The following BLVRB variants were observed in gnomAD, a reference collection of about 807,000 sequenced individuals.
BLVRB encodes biliverdin reductase B, also known as flavin reductase (NADPH).
Under a neutral mutation model 21.1 loss-of-function variants are expected in BLVRB, and 25 were observed. The ratio of observed to expected loss-of-function variants is 1.19; its 90% confidence interval spans 0.86 to 1.66. The LOEUF (loss-of-function observed/expected upper bound fraction) is 1.66. Among genes scored for constraint, BLVRB ranks in the 40% most tolerant of loss-of-function variants. The pLI, the probability that BLVRB is intolerant of heterozygous loss-of-function variation, is 0.00. For missense variants in BLVRB, 274 were observed against 282.7 expected (o/e 0.97, Z 0.22); for synonymous variants, 128 against 122.2 (o/e 1.05, Z -0.31).
At chr19:40,448,157 T>G (rs1441365820) in intron 4 of BLVRB, 111 bp from the exon 5 acceptor site, 7 of 1,199,198 alleles carry the variant, frequency 5.8e-6, no homozygotes, top group Non-Finnish European at 8.1e-6. Flanking sequence ...CCAGCCTGGG[T>G]GGTGTCACAG....
At chr19:40,462,923 G>T (rs1429768350) in intron 1 of BLVRB, among the ~76,000 whole-genome samples, 1 of 130,128 alleles carries the variant, frequency 7.7e-6, no homozygotes, top group Non-Finnish European at 1.6e-5. Flanking sequence ...AAAAAAATCA[G>T]CCATCAATAC....
At position 40,451,374 on chromosome 19, in the gene BLVRB, C is replaced by T. The variant is rs201630615; in HGVS notation, c.453G>A (p.Pro151=). 218 of 1,603,574 alleles carry T rather than the reference C, an allele frequency of 1.4e-4. No homozygotes were observed. The highest frequency in any genetic ancestry group is 1.7e-4 in the Middle Eastern group (1 of 6,032). ...CCCTGCCCTGCTTACCTATGTGTGG[C>T]GGCATCACAGCCACGTACTTCAGGC... ...ESGLKYVAVM[P]PHIGDQPLTG... Residue 151 remains proline (P), a synonymous_variant, in exon 4 of 5, where the codon CCG becomes CCA. Coordinates refer to ENST00000263368, the MANE Select transcript of BLVRB (RefSeq NM_000713.3).
At chr19:40,463,077 C>A (rs1023962744) in intron 1 of BLVRB, among the ~76,000 whole-genome samples, 1 of 152,020 alleles carries the variant, frequency 6.6e-6, no homozygotes, top group African/African-American at 2.4e-5. Flanking sequence ...CACGTTGTGA[C>A]CATATGTTTC....
intron 1 of BLVRB, among the ~76,000 whole-genome samples, chr19:40,461,462 C>T (rs1486862399): frequency 6.6e-6 from 1 of 151,954 alleles, no homozygotes; most frequent in Non-Finnish European, 1.5e-5. Flanking sequence ...CCTCTCCAGG[C>T]TCTGCTGAAG....
intron 3 of BLVRB, 47 bp from the exon 4 acceptor site, chr19:40,451,539 T>TC: frequency 7.3e-7 from 1 of 1,368,578 alleles, no homozygotes; most frequent in Non-Finnish European, 9.7e-7. Context: ...CTTGTCTTTT[T>TC]TTTTTTTTTT....
chr19:40,454,799 C>T (rs2079755858), intron 3 of BLVRB, among the ~76,000 whole-genome samples: 1 of 152,154 alleles, frequency 6.6e-6, no homozygotes, highest in South Asian at 2.1e-4. Context: ...CCCACCTTGG[C>T]CTCCCAAAGT....
rs144749380 is a variant in BLVRB at position 40,464,960 on chromosome 19, C to A, written c.79+650G>T. Reference sequence around the variant, plus strand: ...TTTTCTGCCCTCTCTCCTGGGGCAACTCCAAATTTTCAGCCCTCATTGACT... The same window carrying A: ...TTTTCTGCCCTCTCTCCTGGGGCAAATCCAAATTTTCAGCCCTCATTGACT... On this transcript the variant is annotated intron_variant, in intron 1 of 4. Transcript: ENST00000263368. Among the ~76,000 whole-genome samples, 16 of 152,242 alleles carry A rather than the reference C, an allele frequency of 1.1e-4. No individual in the cohort carries two copies. The South Asian group carries it at 1.2e-3, about 12-fold the overall frequency.
intron 1 of BLVRB, among the ~76,000 whole-genome samples, chr19:40,465,131 C>A (rs1046538961): frequency 2.0e-5 from 3 of 152,182 alleles, no homozygotes; most frequent in Non-Finnish European, 2.9e-5. Context: ...GAGTTCAAAT[C>A]CCAGTCCTGT....
At chr19:40,461,694 G>T (rs2079788470) in intron 1 of BLVRB, among the ~76,000 whole-genome samples, 1 of 152,178 alleles carries the variant, frequency 6.6e-6, no homozygotes, top group East Asian at 1.9e-4. Flanking sequence ...TAGAGATGGG[G>T]TTTCACGATG....
intron 3 of BLVRB, among the ~76,000 whole-genome samples, chr19:40,454,683 C>T (rs951751148): frequency 4.6e-5 from 7 of 151,964 alleles, no homozygotes; most frequent in African/African-American, 1.2e-4. Flanking sequence ...GTAGCTGGGA[C>T]TATAGGCACC....
chr19:40,454,477 G>C (rs1343969513), intron 3 of BLVRB, among the ~76,000 whole-genome samples: 1 of 151,932 alleles, frequency 6.6e-6, no homozygotes, highest in African/African-American at 2.4e-5. Flanking sequence ...AGTGTGAAGT[G>C]GGTTTTTGTC....
chr19:40,456,069 A>T (rs545135306), intron 3 of BLVRB, among the ~76,000 whole-genome samples: 96 of 152,346 alleles, frequency 6.3e-4, no homozygotes, highest in Non-Finnish European at 1.3e-3. Flanking sequence ...CACGACTATT[A>T]ACTTTTCTGT....
chr19:40,458,168 C>T lies in BLVRB; in HGVS notation c.321G>A (p.Val107=). The part of the protein sequence containing the change: ...AMKAHGVDKV[V]ACTSAFLLWD... Reference sequence around the variant, plus strand: ...CCCACCACCCACCCGAGGTGCAGGCCACGACCTTGTCCACACCATGAGCCT... The same window carrying T: ...CCCACCACCCACCCGAGGTGCAGGCTACGACCTTGTCCACACCATGAGCCT... Residue 107 remains valine (V), a synonymous_variant, in exon 3 of 5, where the codon GTG becomes GTA. Coordinates refer to ENST00000263368, the MANE Select transcript of BLVRB (RefSeq NM_000713.3). 1 of 1,614,032 alleles carries T rather than the reference C, an allele frequency of 6.2e-7. No homozygotes were observed.
chr19:40,450,616 A>G (rs550803173), intron 4 of BLVRB: 1 of 150,760 alleles, frequency 6.6e-6, no homozygotes, highest in African/African-American at 2.4e-5. Context: ...CAGCCTGGGC[A>G]ACAGTTTATT....
At chr19:40,464,243 G>T (rs564347969) in intron 1 of BLVRB, among the ~76,000 whole-genome samples, 21 of 151,252 alleles carry the variant, frequency 1.4e-4, no homozygotes, top group African/African-American at 4.2e-4. Flanking sequence ...GCATCACCAC[G>T]CCCAGCTAAT....
chr19:40,455,747 C>CA (rs1159545864), intron 3 of BLVRB, among the ~76,000 whole-genome samples: 1 of 152,084 alleles, frequency 6.6e-6, no homozygotes, highest in Non-Finnish European at 1.5e-5. Flanking sequence ...AGAACAAAAA[C>CA]AAAATCTATT....
chr19:40,451,278 G>C, intron 4 of BLVRB, 86 bp downstream of exon 4: 2 of 1,538,824 alleles, frequency 1.3e-6, no homozygotes, highest in Non-Finnish European at 1.8e-6. Flanking sequence ...TTTTAGGGTG[G>C]TCAGGGAAGG....
chr19:40,448,614 T>C (rs933937777), intron 4 of BLVRB, among the ~76,000 whole-genome samples: 5,399 of 59,452 alleles, frequency 0.091, 230 homozygotes, highest in African/African-American at 0.28. Flanking sequence ...AACAAATATA[T>C]ATATATATAT....
intron 1 of BLVRB, among the ~76,000 whole-genome samples, chr19:40,460,456 C>A (rs1437854469): frequency 2.7e-5 from 4 of 149,620 alleles, no homozygotes; most frequent in Non-Finnish European, 4.4e-5. Context: ...AGTGAAACCC[C>A]GTCTCTGCAA....
Sources: gnomAD v4.1 joint callset for allele counts (sites outside exome capture counted in the v4.1 genomes callset) on GRCh38, gnomAD v4.1.1 for gene constraint, MANE v1.5 for transcripts, NCBI Gene and HGNC (gene_info 2026-07-23, HGNC 2026-07-21) for gene names.